The following ERGIC1 variants were observed in gnomAD, a reference collection of about 807,000 sequenced individuals.
The protein encoded by ERGIC1 is endoplasmic reticulum-Golgi intermediate compartment protein 1.
In ERGIC1, 19 loss-of-function variants were observed where a neutral mutation model predicts 38.3. The observed-to-expected ratio is 0.50, with a 90% CI of 0.35 to 0.73. The LOEUF (loss-of-function observed/expected upper bound fraction) is 0.73, where lower values mean the gene tolerates loss of function less well. ERGIC1 is among the 30% of genes least tolerant of loss of function. ERGIC1 has a pLI of 0.01. For synonymous variants in ERGIC1, 124 were observed against 157.6 expected (o/e 0.79, Z 1.60); for missense variants, 294 against 389.2 (o/e 0.76, Z 2.06).
intron 3 of ERGIC1, among the ~76,000 whole-genome samples, chr5:172,908,544 C>G (rs1311119424): frequency 6.6e-6 from 1 of 151,446 alleles, no homozygotes; most frequent in African/African-American, 2.4e-5. Context: ...CCACTGCACT[C>G]CAGCCTGGGT....
chr5:172,884,677 C>T (rs114614792), intron 1 of ERGIC1, among the ~76,000 whole-genome samples: 2,899 of 152,236 alleles, frequency 0.019, 109 homozygotes, highest in African/African-American at 0.066. Context: ...TCAGCCATTC[C>T]AAGGAGCTCT....
intron 4 of ERGIC1, among the ~76,000 whole-genome samples, chr5:172,910,588 GAT>G (rs1476808291): frequency 6.8e-6 from 1 of 147,610 alleles, no homozygotes; most frequent in East Asian, 2.0e-4. Flanking sequence ...GCAATGGCAC[GAT>G]CTTGGCTCAC....
rs182444247 is a variant in ERGIC1, at chr5:172,941,201, C to T, written c.765+5891C>T. Among the ~76,000 whole-genome samples the T allele has an allele frequency of 2.3e-3, 352 of 151,544 alleles. 1 individual carries two copies. The highest frequency in any genetic ancestry group is 7.8e-3 in the African/African-American group (323 of 41,240). On this transcript the variant is annotated intron_variant, in intron 9 of 9. Transcript: ENST00000393784. ...GCAGTTGGAGGCTGAGACAGGAGAT[C>T]TTGGCAGTAAGCCAAGATCGTGCCA...
At chr5:172,949,800 T>C (rs1039056279) in intron 9 of ERGIC1, among the ~76,000 whole-genome samples, 1 of 152,204 alleles carries the variant, frequency 6.6e-6, no homozygotes, top group Non-Finnish European at 1.5e-5. Flanking sequence ...GCACAGTGGC[T>C]CATGCTTGTA....
intron 9 of ERGIC1, among the ~76,000 whole-genome samples, chr5:172,947,521 C>T (rs1764150340): frequency 1.3e-5 from 2 of 152,166 alleles, no homozygotes; most frequent in Non-Finnish European, 2.9e-5. Flanking sequence ...GAGGATTTCC[C>T]CTCCCCTCAC....
At chr5:172,895,240 G>C (rs752482893) in intron 2 of ERGIC1, among the ~76,000 whole-genome samples, 1 of 152,142 alleles carries the variant, frequency 6.6e-6, no homozygotes, top group Admixed American at 6.6e-5. Context: ...ATTACCTGCC[G>C]GGCTCTGTTT....
At chr5:172,880,527 A>G (rs1762253982) in intron 1 of ERGIC1, among the ~76,000 whole-genome samples, 1 of 151,876 alleles carries the variant, frequency 6.6e-6, no homozygotes, top group Non-Finnish European at 1.5e-5. Context: ...GGGTTTCACC[A>G]TGTTGCCAGG....
chr5:172,854,287 C>T lies in ERGIC1; in HGVS notation c.20+19854C>T, dbSNP rs189128619. On this transcript the variant is annotated intron_variant, in intron 1 of 9. Transcript: ENST00000393784. ...GTCTCAGCTACTCAGGAGGCTGAGGCGGGAGGATCACTTGAGCCCGGGAGG... is the reference window on the plus strand; with the variant it reads ...GTCTCAGCTACTCAGGAGGCTGAGGTGGGAGGATCACTTGAGCCCGGGAGG... 1.2e-4 allele frequency among the ~76,000 whole-genome samples: 18 copies of T among 151,906 alleles called. 1 individual carries two copies. The East Asian group carries it at 2.7e-3, about 23-fold the overall frequency.
intron 1 of ERGIC1, among the ~76,000 whole-genome samples, chr5:172,862,743 C>A (rs1761747395): frequency 6.6e-6 from 1 of 152,238 alleles, no homozygotes; most frequent in Admixed American, 6.5e-5. Context: ...GCCACACCTA[C>A]ATCTACTCCT....
intron 8 of ERGIC1, chr5:172,934,832 T>C (rs1763852552): frequency 3.2e-6 from 1 of 313,992 alleles, no homozygotes; most frequent in Admixed American, 3.9e-5. Context: ...CAAACCATTG[T>C]TGAATAAATG....
rs566564163 is a variant in ERGIC1, at chr5:172,843,087, A to G, written c.20+8654A>G. Among the ~76,000 whole-genome samples, 248 of 152,356 alleles carry G rather than the reference A, an allele frequency of 1.6e-3. 1 individual carries two copies. Among genetic ancestry groups the G allele is most frequent in the African/African-American group, 5.3e-3 (222 of 41,584 alleles). ...TGAACCTCCGGGAGGCGGAGGTTGC[A>G]GTGAGCCGAGATTGTGCCACTGCAC... On this transcript the variant is annotated intron_variant, in intron 1 of 9. Coordinates refer to ENST00000393784, the MANE Select transcript of ERGIC1 (RefSeq NM_001031711.3).
At chr5:172,905,117 A>G (rs941472483) in intron 3 of ERGIC1, 3 of 168,318 alleles carry the variant, frequency 1.8e-5, no homozygotes, top group African/African-American at 7.1e-5. Flanking sequence ...TCACCTCCAG[A>G]GGGTTGCCAG....
At chr5:172,859,088 C>T (rs1761630936) in intron 1 of ERGIC1, among the ~76,000 whole-genome samples, 1 of 152,206 alleles carries the variant, frequency 6.6e-6, no homozygotes, top group African/African-American at 2.4e-5. Context: ...CTCTGCTCCC[C>T]TAAATGCCCC....
At position 172,872,160 on chromosome 5, in the gene ERGIC1, G is replaced by C. The variant is rs181248095; in HGVS notation, c.21-16539G>C. On this transcript the variant is annotated intron_variant, in intron 1 of 9. Coordinates refer to ENST00000393784, the MANE Select transcript of ERGIC1 (RefSeq NM_001031711.3). ...CGAGATAGAGTAACCTCGGGCCTCA[G>C]GGGGCCATGAAGCTTTGCAGGAACC... Among the ~76,000 whole-genome samples, 483 of 150,860 alleles carry C rather than the reference G, an allele frequency of 3.2e-3. 3 individuals are homozygous for C. The highest frequency in any genetic ancestry group is 0.011 in the African/African-American group (468 of 41,320).
In ERGIC1 at chr5:172,947,152, C is replaced by G. The variant is rs1462757213; in HGVS notation, c.766-3557C>G. ...GAGCCGAGGTCACCCCATTGCACTC[C>G]AATCTGGGCGACAAGAGTGAGACTC... On this transcript the variant is annotated intron_variant, in intron 9 of 9. Coordinates refer to ENST00000393784, the MANE Select transcript of ERGIC1 (RefSeq NM_001031711.3). 4.7e-5 allele frequency among the ~76,000 whole-genome samples: 7 copies of G among 148,490 alleles called. No homozygotes were observed. In the East Asian group the frequency reaches 1.4e-3, roughly 29 times the overall value.
At chr5:172,925,338 T>C (rs1423238491) in intron 6 of ERGIC1, among the ~76,000 whole-genome samples, 3 of 152,214 alleles carry the variant, frequency 2.0e-5, no homozygotes, top group Admixed American at 1.3e-4. Context: ...TTCTTGTCTC[T>C]GTAACCACCG....
intron 2 of ERGIC1, among the ~76,000 whole-genome samples, chr5:172,895,966 A>C (rs987614543): frequency 2.3e-4 from 35 of 152,150 alleles, no homozygotes; most frequent in Non-Finnish European, 2.9e-5. Flanking sequence ...CACAAACCCC[A>C]GTGTCTTTAG....
intron 3 of ERGIC1, among the ~76,000 whole-genome samples, chr5:172,908,318 G>A (rs1221327811): frequency 0.18 from 1,325 of 7,336 alleles, 249 homozygotes; most frequent in Middle Eastern, 0.25. Context: ...GGGGGGGGGG[G>A]AGAGAGGGGA....
chr5:172,852,574 G>C (rs1295992082), intron 1 of ERGIC1, among the ~76,000 whole-genome samples: 1 of 152,186 alleles, frequency 6.6e-6, no homozygotes, highest in Non-Finnish European at 1.5e-5. Flanking sequence ...GCTCAGCCTT[G>C]TTCTCTACCA....
Sources: gnomAD v4.1 joint callset for allele counts (sites outside exome capture counted in the v4.1 genomes callset) on GRCh38, gnomAD v4.1.1 for gene constraint, MANE v1.5 for transcripts, NCBI Gene and HGNC (gene_info 2026-07-23, HGNC 2026-07-21) for gene names.